Variants in CAMK1D observed in about 807,000 individuals in gnomAD.
CAMK1D encodes the protein calcium/calmodulin-dependent protein kinase type 1D.
CAMK1D carries 9 observed loss-of-function variants against 47.7 expected under a neutral mutation model. The ratio of observed to expected loss-of-function variants is 0.19; its 90% CI spans 0.11 to 0.33. The LOEUF (loss-of-function observed/expected upper bound fraction) is 0.33, where lower values mean the gene tolerates loss of function less well. Ranked by LOEUF, CAMK1D falls within the 10% of genes least tolerant of loss-of-function variation. The probability of loss-of-function intolerance (pLI) is 1.00; values close to 1 mark genes in which losing one functional copy is unlikely to be tolerated. For synonymous variants in CAMK1D, 184 were observed against 184.9 expected, an observed-to-expected ratio of 0.99 and a Z score of 0.04; for missense variants, 291 against 488.7, an observed-to-expected ratio of 0.60 and a Z score of 3.81.
At chr10:12,452,159 C>A (rs1421815860) in intron 1 of CAMK1D, among the ~76,000 whole-genome samples, 3 of 151,984 alleles carry the variant, frequency 2.0e-5, no homozygotes. Flanking sequence ...CTGAGAGCAG[C>A]GTATGGAACC....
chr10:12,541,842 TCTTCCTTCCTTCCTTCCTTCCTTC>T (rs150179810), intron 1 of CAMK1D, among the ~76,000 whole-genome samples: 5 of 116,608 alleles, frequency 4.3e-5, no homozygotes, highest in South Asian at 3.2e-4. Flanking sequence ...CTGTGTTTTA[TCTTCCTTCCTTCCTTCCTTCCTTC>T]CTTCCTTCCT....
At chr10:12,537,068 C>CT (rs755811905) in intron 1 of CAMK1D, among the ~76,000 whole-genome samples, 22 of 151,828 alleles carry the variant, frequency 1.4e-4, no homozygotes, top group Non-Finnish European at 3.2e-4. Context: ...TGGGTTTTCA[C>CT]TTTTTCTTCT....
At chr10:12,551,769 A>C (rs1198690049) in intron 1 of CAMK1D, among the ~76,000 whole-genome samples, 1 of 152,168 alleles carries the variant, frequency 6.6e-6, no homozygotes, top group Admixed American at 6.5e-5. Flanking sequence ...CAAGAAATGT[A>C]ATGCACTTGA....
intron 2 of CAMK1D, among the ~76,000 whole-genome samples, chr10:12,571,553 G>A (rs561655456): frequency 4.6e-5 from 7 of 152,034 alleles, no homozygotes; most frequent in East Asian, 3.9e-4. Flanking sequence ...TGGATCCCCC[G>A]GTGATGCATT....
At chr10:12,787,725 G>C (rs532734339) in intron 5 of CAMK1D, among the ~76,000 whole-genome samples, 1 of 152,352 alleles carries the variant, frequency 6.6e-6, no homozygotes, top group South Asian at 2.1e-4. Flanking sequence ...CCAGAGGCCG[G>C]GCGCGGTGGC....
At position 12,442,203 on chromosome 10, in the gene CAMK1D, C is replaced by T. The variant is rs560706266; in HGVS notation, c.92+92293C>T. 9.2e-5 allele frequency among the ~76,000 whole-genome samples: 14 copies of T among 152,110 alleles called. No homozygotes were observed. In the South Asian group the frequency reaches 1.9e-3, roughly 20 times the overall value. On this transcript the variant is annotated intron_variant, in intron 1 of 10. Coordinates refer to ENST00000619168, the MANE Select transcript of CAMK1D (RefSeq NM_153498.4). ...CTTGTTTTTCTTAAAACTTTGAGGCCGGGCGCGGTGGCTCATGCCTGTAAT... is the reference window on the plus strand; with the variant it reads ...CTTGTTTTTCTTAAAACTTTGAGGCTGGGCGCGGTGGCTCATGCCTGTAAT...
chr10:12,748,010 C>G (rs1835765114), intron 3 of CAMK1D, among the ~76,000 whole-genome samples: 1 of 152,176 alleles, frequency 6.6e-6, no homozygotes, highest in African/African-American at 2.4e-5. Flanking sequence ...TAATGTTTGA[C>G]CAAATATTTG....
chr10:12,464,175 G>C (rs955043741), intron 1 of CAMK1D, among the ~76,000 whole-genome samples: 2 of 152,138 alleles, frequency 1.3e-5, no homozygotes, highest in African/African-American at 4.8e-5. Flanking sequence ...AAAGCTCCTG[G>C]CTGTTGGTCC....
chr10:12,575,754 C>T (rs946251209), intron 2 of CAMK1D, among the ~76,000 whole-genome samples: 9 of 152,198 alleles, frequency 5.9e-5, no homozygotes, highest in Non-Finnish European at 1.0e-4. Flanking sequence ...AATTCGCGCT[C>T]CTCTGCCTTG....
At chr10:12,727,098 G>A (rs929420909) in intron 3 of CAMK1D, among the ~76,000 whole-genome samples, 1 of 152,244 alleles carries the variant, frequency 6.6e-6, no homozygotes, top group African/African-American at 2.4e-5. Flanking sequence ...ACGGAGGCTT[G>A]TGGCTCATGG....
At chr10:12,716,038 A>G (rs1249309286) in intron 3 of CAMK1D, among the ~76,000 whole-genome samples, 2 of 152,074 alleles carry the variant, frequency 1.3e-5, no homozygotes, top group African/African-American at 4.8e-5. Flanking sequence ...TAAATTCAGT[A>G]AATAGTTATT....
intron 1 of CAMK1D, among the ~76,000 whole-genome samples, chr10:12,359,064 G>A (rs1396397601): frequency 6.6e-6 from 1 of 152,200 alleles, no homozygotes; most frequent in East Asian, 1.9e-4. Context: ...CTGGTACAGT[G>A]AGTAGCTAAG....
chr10:12,380,517 G>T (rs184767235), intron 1 of CAMK1D, among the ~76,000 whole-genome samples: 15 of 152,244 alleles, frequency 9.9e-5, no homozygotes, highest in African/African-American at 3.6e-4. Context: ...CGGAAAAAAG[G>T]GAAGGATTTT....
chr10:12,811,382 A>G (rs1380227255), intron 6 of CAMK1D, among the ~76,000 whole-genome samples: 1 of 152,190 alleles, frequency 6.6e-6, no homozygotes, highest in Non-Finnish European at 1.5e-5. Context: ...TGCTAATGAC[A>G]TAGCTTGGCC....
At chr10:12,770,280 C>T (rs532159788) in intron 5 of CAMK1D, among the ~76,000 whole-genome samples, 2 of 152,334 alleles carry the variant, frequency 1.3e-5, no homozygotes, top group South Asian at 4.1e-4. Context: ...ATCTGTACTG[C>T]GATGCTAGGC....
chr10:12,447,884 C>T (rs1310003746), intron 1 of CAMK1D, among the ~76,000 whole-genome samples: 2 of 151,972 alleles, frequency 1.3e-5, no homozygotes, highest in Non-Finnish European at 2.9e-5. Context: ...TGGAGTTTCG[C>T]TCTTGTTGCC....
intron 1 of CAMK1D, among the ~76,000 whole-genome samples, chr10:12,388,865 C>T (rs1310643235): frequency 6.6e-6 from 1 of 152,168 alleles, no homozygotes; most frequent in Admixed American, 6.5e-5. Context: ...TACCACGCTC[C>T]CCTGGAGGCA....
chr10:12,363,876 T>C (rs1411709448), intron 1 of CAMK1D, among the ~76,000 whole-genome samples: 1 of 152,088 alleles, frequency 6.6e-6, no homozygotes, highest in African/African-American at 2.4e-5. Context: ...CACAGGTTGC[T>C]TCCACCTCTT....
chr10:12,826,316 C>A (rs373822054), intron 10 of CAMK1D, among the ~76,000 whole-genome samples: 1 of 152,094 alleles, frequency 6.6e-6, no homozygotes, highest in Non-Finnish European at 1.5e-5. Context: ...GTCACTCTTG[C>A]GGATTGAGGA....
Sources: allele counts gnomAD v4.1 joint callset (sites outside exome capture counted in the v4.1 genomes callset), GRCh38; gene constraint gnomAD v4.1.1; transcripts MANE v1.5; gene names NCBI Gene and HGNC (gene_info 2026-07-23, HGNC 2026-07-21).